DACH2: variants seen among roughly 807,000 people sequenced by gnomAD.
DACH2 encodes the protein dachshund homolog 2.
In DACH2, 17 loss-of-function variants were observed where a neutral mutation model predicts 35.8. The observed-to-expected ratio is 0.48, with a 90% confidence interval of 0.33 to 0.71. The LOEUF (loss-of-function observed/expected upper bound fraction) is 0.71, where lower values mean the gene tolerates loss of function less well. Among genes scored for constraint, DACH2 ranks in the 30% least tolerant of loss-of-function variants. DACH2 has a pLI of 0.02. For missense variants in DACH2, 469 were observed against 472.7 expected, an observed-to-expected ratio of 0.99 and a Z score of 0.07; for synonymous variants, 195 against 177.3, an observed-to-expected ratio of 1.10 and a Z score of -0.79.
intron 2 of DACH2, among the ~76,000 whole-genome samples, chrX:86,491,833 C>G (rs1019216714): frequency 6.3e-5 from 7 of 111,568 alleles, no homozygotes; most frequent in African/African-American, 1.9e-4. Flanking sequence ...GACAACTCAC[C>G]TTTCTTGGCT....
At position 86,763,452 on chromosome X, in the gene DACH2, C is replaced by CT. The variant is rs756841068; in HGVS notation, c.1240+23579dup. 4.0e-3 allele frequency among the ~76,000 whole-genome samples: 441 copies of CT among 110,794 alleles called. 2 individuals carry two copies. The highest frequency in any genetic ancestry group is 0.014 in the African/African-American group (418 of 30,574). ...GTGTTAAAATTTAAGATGACGTTTACTTTTTTTTTGTTTTGTTTTGAGACG... is the reference window on the plus strand; with the variant it reads ...GTGTTAAAATTTAAGATGACGTTTACTTTTTTTTTTGTTTTGTTTTGAGACG... On this transcript the variant is annotated intron_variant, in intron 7 of 11. Coordinates refer to ENST00000373125, the MANE Select transcript of DACH2 (RefSeq NM_053281.3).
intron 4 of DACH2, among the ~76,000 whole-genome samples, chrX:86,683,514 G>A (rs1206777542): frequency 1.8e-5 from 2 of 111,481 alleles, no homozygotes; most frequent in Non-Finnish European, 3.8e-5. Context: ...TGCTTTAAGA[G>A]CAACAAGTTT....
chrX:86,421,078 A>G (rs776701701), intron 2 of DACH2, among the ~76,000 whole-genome samples: 81 of 111,905 alleles, frequency 7.2e-4, no homozygotes, highest in Non-Finnish European at 1.3e-3. Context: ...CCCATTTGTC[A>G]TGCACAAAAG....
chrX:86,294,039 T>C (rs1427324246), intron 1 of DACH2, among the ~76,000 whole-genome samples: 1 of 111,937 alleles, frequency 8.9e-6, no homozygotes, highest in Non-Finnish European at 1.9e-5. Context: ...GGTTCCATTC[T>C]CCCCGTCACT....
At chrX:86,264,164 G>A (rs2033672556) in intron 1 of DACH2, among the ~76,000 whole-genome samples, 1 of 111,966 alleles carries the variant, frequency 8.9e-6, no homozygotes, top group Non-Finnish European at 1.9e-5. Context: ...CAAGCAACTT[G>A]CAAAACTGGA....
intron 3 of DACH2, among the ~76,000 whole-genome samples, chrX:86,581,641 T>C (rs1008618960): frequency 6.3e-5 from 7 of 111,504 alleles, no homozygotes; most frequent in Non-Finnish European, 1.1e-4. Flanking sequence ...AATAAAAAAT[T>C]GGCATTACAT....
intron 11 of DACH2, chrX:86,831,065 T>C (rs1221028984): frequency 9.0e-6 from 1 of 111,366 alleles, no homozygotes; most frequent in African/African-American, 3.3e-5. Flanking sequence ...CCAAATCTTT[T>C]ATTCATCTAT....
chrX:86,566,760 T>A (rs974694907), intron 3 of DACH2, among the ~76,000 whole-genome samples: 1 of 111,408 alleles, frequency 9.0e-6, no homozygotes, highest in Non-Finnish European at 1.9e-5. Context: ...CCTAATAACA[T>A]CTTTGTGTTT....
At chrX:86,759,096 A>G (rs1171142232) in intron 7 of DACH2, among the ~76,000 whole-genome samples, 1 of 110,898 alleles carries the variant, frequency 9.0e-6, no homozygotes, top group Non-Finnish European at 1.9e-5. Flanking sequence ...TCCTGTCTCT[A>G]TCTATGAGTT....
rs543585808 is a variant in DACH2, at chrX:86,580,099, A to G, written c.640+65708A>G. On this transcript the variant is annotated intron_variant, in intron 3 of 11. Transcript: ENST00000373125. Reference sequence around the variant, plus strand: ...CCAGCTCATGAGAGTTTGAGCATGCAGACCAGGAGCTCTTACTTGAGTCTT... The same window carrying G: ...CCAGCTCATGAGAGTTTGAGCATGCGGACCAGGAGCTCTTACTTGAGTCTT... 9.8e-5 allele frequency among the ~76,000 whole-genome samples: 11 copies of G among 112,026 alleles called. No individual in the cohort carries two copies. The South Asian group carries it at 4.1e-3, about 42-fold the overall frequency.
intron 3 of DACH2, among the ~76,000 whole-genome samples, chrX:86,635,196 A>T (rs1350131863): frequency 9.0e-6 from 1 of 111,090 alleles, no homozygotes; most frequent in African/African-American, 3.3e-5. Flanking sequence ...TATTCCTGGG[A>T]TGCAAGGTTG....
At chrX:86,693,768 T>A (rs1466428830) in intron 4 of DACH2, among the ~76,000 whole-genome samples, 2 of 111,970 alleles carry the variant, frequency 1.8e-5, no homozygotes, top group East Asian at 5.6e-4. Flanking sequence ...AAGGAAATAA[T>A]TTAAATGAAT....
In DACH2 at chrX:86,429,444, A is replaced by G. The variant is rs777792247; in HGVS notation, c.527+52582A>G. Among the ~76,000 whole-genome samples the G allele has an allele frequency of 1.8e-3, 200 of 112,084 alleles. 1 individual carries two copies. The highest frequency in any genetic ancestry group is 6.3e-3 in the African/African-American group (194 of 30,880). On this transcript the variant is annotated intron_variant, in intron 2 of 11. Transcript: ENST00000373125. ...AACACTGATTCCAAATGTAACCCGC[A>G]GGTGTTTGGGAGGATGAAGAAGTTG...
At chrX:86,303,753 C>A (rs1321237780) in intron 1 of DACH2, among the ~76,000 whole-genome samples, 1 of 107,683 alleles carries the variant, frequency 9.3e-6, no homozygotes, top group Admixed American at 1.0e-4. Flanking sequence ...TCTTTCTGTA[C>A]CCATAACCTG....
chrX:86,697,216 G>C (rs2041077452), intron 5 of DACH2, among the ~76,000 whole-genome samples: 1 of 111,582 alleles, frequency 9.0e-6, no homozygotes, highest in Non-Finnish European at 1.9e-5. Context: ...TATCGCCACA[G>C]TAGTGCTCCT....
chrX:86,471,311 A>T (rs1449702210), intron 2 of DACH2, among the ~76,000 whole-genome samples: 1 of 111,508 alleles, frequency 9.0e-6, no homozygotes, highest in African/African-American at 3.2e-5. Context: ...GTTAATTGTA[A>T]TTAATGTTTA....
chrX:86,746,060 G>A (rs965976367), intron 7 of DACH2, among the ~76,000 whole-genome samples: 4 of 111,381 alleles, frequency 3.6e-5, no homozygotes, highest in East Asian at 2.8e-4. Context: ...CATGTCCTTC[G>A]TCCACTTTTT....
intron 3 of DACH2, among the ~76,000 whole-genome samples, chrX:86,544,467 A>G (rs1314266365): frequency 8.9e-6 from 1 of 111,737 alleles, no homozygotes; most frequent in African/African-American, 3.3e-5. Flanking sequence ...TTACAAGCCA[A>G]AAGAGATTAA....
intron 3 of DACH2, among the ~76,000 whole-genome samples, chrX:86,575,115 G>T (rs965011599): frequency 9.0e-6 from 1 of 111,062 alleles, no homozygotes; most frequent in Admixed American, 9.7e-5. Flanking sequence ...GATATGTCAG[G>T]TTGGGCACTT....
Sources: gnomAD v4.1 joint callset for allele counts (sites outside exome capture counted in the v4.1 genomes callset) on GRCh38, gnomAD v4.1.1 for gene constraint, MANE v1.5 for transcripts, NCBI Gene and HGNC (gene_info 2026-07-23, HGNC 2026-07-21) for gene names.